The following GARIN1A variants were observed in gnomAD, a reference collection of about 807,000 sequenced individuals.
GARIN1A encodes Golgi-associated RAB2 interactor protein 1A.
At chr7:128,689,281 G>A in the GARIN1A span, among the ~76,000 whole-genome samples, 1 of 151,804 alleles carries the variant, frequency 6.6e-6, no homozygotes, top group Non-Finnish European at 1.5e-5. Flanking sequence ...GATGCGAGGA[G>A]CCCCTCTGCC....
At chr7:128,673,662 G>A in the GARIN1A span, among the ~76,000 whole-genome samples, 3 of 152,174 alleles carry the variant, frequency 2.0e-5, no homozygotes, top group South Asian at 2.1e-4. Context: ...ACAGAGCAGC[G>A]AGCTGCTCCC....
the GARIN1A span, among the ~76,000 whole-genome samples, chr7:128,691,904 GC>G: frequency 4.6e-5 from 7 of 152,104 alleles, no homozygotes; most frequent in African/African-American, 1.7e-4. Flanking sequence ...CTAGCTTGAT[GC>G]CCCCTTCCTG....
At chr7:128,703,946 A>C in the GARIN1A span, among the ~76,000 whole-genome samples, 1 of 152,200 alleles carries the variant, frequency 6.6e-6, no homozygotes, top group Non-Finnish European at 1.5e-5. Flanking sequence ...ATTTGTTAAA[A>C]GGTATGCCAC....
chr7:128,681,856 C>T, the GARIN1A span, among the ~76,000 whole-genome samples: 1 of 150,246 alleles, frequency 6.7e-6, no homozygotes, highest in Non-Finnish European at 1.5e-5. Flanking sequence ...AACTGCAACA[C>T]CTCCCTTTCA....
the GARIN1A span, chr7:128,680,006 T>C: frequency 6.8e-7 from 1 of 1,462,614 alleles, no homozygotes; most frequent in Non-Finnish European, 9.3e-7. Context: ...GACCTAGCCA[T>C]CTGACGCTAA....
chr7:128,698,790 G>C, the GARIN1A span, among the ~76,000 whole-genome samples: 20,969 of 152,000 alleles, frequency 0.14, 1,627 homozygotes, highest in African/African-American at 0.19. Context: ...TGCTGTGTTG[G>C]GGGGCAGGCT....
chr7:128,688,120 T>C, the GARIN1A span, among the ~76,000 whole-genome samples: 4 of 152,162 alleles, frequency 2.6e-5, no homozygotes, highest in Non-Finnish European at 4.4e-5. Context: ...CAAGCAATTC[T>C]CCTGCCTTAG....
the GARIN1A span, among the ~76,000 whole-genome samples, chr7:128,689,960 A>C: frequency 1.3e-3 from 193 of 152,198 alleles, no homozygotes; most frequent in African/African-American, 4.5e-3. Context: ...GTTTTGTGGA[A>C]TAGAAAAGGG....
the GARIN1A span, chr7:128,678,015 CTTTTTTT>C: frequency 9.8e-4 from 170 of 172,888 alleles, no homozygotes; most frequent in Middle Eastern, 6.1e-3. Context: ...AGAAATGTTT[CTTTTTTT>C]TTTTTTTTTT....
chr7:128,703,063 C>T, the GARIN1A span, among the ~76,000 whole-genome samples: 10 of 152,194 alleles, frequency 6.6e-5, no homozygotes, highest in South Asian at 1.0e-3. Context: ...ATTGTTAGAA[C>T]AGAAAAATAA....
chr7:128,679,913 C>A, the GARIN1A span: 1 of 541,642 alleles, frequency 1.8e-6, no homozygotes, highest in Non-Finnish European at 3.2e-6. Flanking sequence ...AACAGGTTCC[C>A]AGGGTTAGGG....
At chr7:128,695,305 G>GT in the GARIN1A span, among the ~76,000 whole-genome samples, 1 of 152,184 alleles carries the variant, frequency 6.6e-6, no homozygotes, top group African/African-American at 2.4e-5. This position sits in a 1 kb window ranked among gnomAD's most constrained non-coding sequence, Gnocchi z 4.5. Flanking sequence ...GATTTGACCA[G>GT]TGGGAAATCA....
the GARIN1A span, among the ~76,000 whole-genome samples, chr7:128,689,767 A>AC: frequency 1.2e-5 from 1 of 80,100 alleles, no homozygotes; most frequent in South Asian, 4.7e-4. Context: ...CCGGCCAGCC[A>AC]CCCCGTCCGG....
chr7:128,672,384 C>T, the GARIN1A span: 2 of 1,600,996 alleles, frequency 1.2e-6, no homozygotes, highest in African/African-American at 2.7e-5. Flanking sequence ...CAAGCCCATT[C>T]TTACCAAGAA....
the GARIN1A span, chr7:128,686,793 T>G: frequency 2.0e-5 from 3 of 152,214 alleles, no homozygotes; most frequent in African/African-American, 7.2e-5. Flanking sequence ...GGAGAATCTC[T>G]TGAACTGGGG....
the GARIN1A span, chr7:128,686,822 G>A: frequency 6.6e-6 from 1 of 151,934 alleles, no homozygotes; most frequent in African/African-American, 2.4e-5. Flanking sequence ...GTTGCAGTGA[G>A]CCGAGATCAC....
At chr7:128,698,468 C>G in the GARIN1A span, among the ~76,000 whole-genome samples, 2,056 of 152,244 alleles carry the variant, frequency 0.014, 50 homozygotes, top group African/African-American at 0.047. Flanking sequence ...TTAACCCATG[C>G]CACCCCGACT....
chr7:128,689,756 G>A, the GARIN1A span, among the ~76,000 whole-genome samples: 1 of 84,276 alleles, frequency 1.2e-5, no homozygotes, highest in South Asian at 4.4e-4. Flanking sequence ...GTCAGCCCCC[G>A]CCGGCCAGCC....
chr7:128,677,829 T>G, the GARIN1A span: 1 of 1,609,160 alleles, frequency 6.2e-7, no homozygotes, highest in Non-Finnish European at 8.5e-7. Flanking sequence ...TGGGCCTCCT[T>G]CCGGGACCTG....
Sources: gnomAD v4.1 joint callset for allele counts (sites outside exome capture counted in the v4.1 genomes callset) on GRCh38, gnomAD v4.1.1 for gene constraint, Gnocchi (gnomAD v3.1) non-coding constraint, MANE v1.5 for transcripts, NCBI Gene and HGNC (gene_info 2026-07-23, HGNC 2026-07-21) for gene names.